The following PCGF5 variants were observed in gnomAD, a reference collection of about 807,000 sequenced individuals.
PCGF5 encodes polycomb group RING finger protein 5.
Under a neutral mutation model 44.3 loss-of-function variants are expected in PCGF5, and 9 were observed. The observed-to-expected ratio is 0.20, with a 90% CI of 0.12 to 0.35. The LOEUF (loss-of-function observed/expected upper bound fraction) is 0.35, where lower values mean the gene tolerates loss of function less well. Among genes scored for constraint, PCGF5 ranks in the 10% least tolerant of loss-of-function variants. The pLI is 1.00. For missense variants in PCGF5, 146 were observed against 305.3 expected (o/e 0.48, Z 3.89); for synonymous variants, 95 against 102.5 (o/e 0.93, Z 0.44).
rs1038669722 is a variant in PCGF5, at chr10:91,206,227, C to T, written c.-183-16462C>T. On this transcript the variant is annotated intron_variant, in intron 1 of 9. Coordinates refer to the PCGF5 transcript ENST00000614189. ...TAGCTCCTGCCGTCAAGGAGCTGAA[C>T]AGCAGAACTCGGAGAAAAAGCAGGT... Among the ~76,000 whole-genome samples the T allele has an allele frequency of 8.0e-4, 121 of 152,028 alleles. 1 individual carries two copies. The highest frequency in any genetic ancestry group is 2.7e-3 in the African/African-American group (112 of 41,384).
chr10:91,192,480 C>T (rs962522515), intron 1 of PCGF5, among the ~76,000 whole-genome samples: 2 of 152,128 alleles, frequency 1.3e-5, no homozygotes, highest in African/African-American at 2.4e-5. Context: ...TCTTGCTCAT[C>T]GTCAATTAAG....
chr10:91,197,994 A>G (rs1035302113), intron 1 of PCGF5, among the ~76,000 whole-genome samples: 1 of 152,194 alleles, frequency 6.6e-6, no homozygotes, highest in African/African-American at 2.4e-5. Context: ...AAGTGAATCC[A>G]CATCAGTGAA....
At chr10:91,251,571 C>A (rs1845624518) in intron 6 of PCGF5, 131 bp downstream of exon 6, 3 of 878,498 alleles carry the variant, frequency 3.4e-6, no homozygotes, top group African/African-American at 3.4e-5. Context: ...AATAAAATGC[C>A]ATTCTTTGAC....
intron 6 of PCGF5, among the ~76,000 whole-genome samples, chr10:91,260,068 T>C (rs1845858950): frequency 7.4e-6 from 1 of 135,946 alleles, no homozygotes; most frequent in Non-Finnish European, 1.5e-5. Context: ...CCTACTCATC[T>C]GACAAAGGGC....
At chr10:91,251,168 C>A in intron 5 of PCGF5, 124 bp from the exon 6 acceptor site, 2 of 527,260 alleles carry the variant, frequency 3.8e-6, no homozygotes, top group Non-Finnish European at 6.1e-6. Flanking sequence ...ATACTAAGTT[C>A]TTCTTCAAAA....
In PCGF5 at chr10:91,279,300, A is replaced by G. The variant is rs371532480; in HGVS notation, c.*984A>G. 2.0e-5 allele frequency: 3 copies of G among 152,158 alleles called. No homozygotes were observed. The highest frequency in any genetic ancestry group is 6.5e-5 in the Admixed American group (1 of 15,270). The allele number at this position is 152,158 out of a possible 1,614,324, so 9.4% of individuals were successfully genotyped here. A position where few individuals can be genotyped will look rare whatever the true frequency, so the allele number is the denominator to read the frequency against. ...TAGAGCACATAACATTAGCTATTTT[A>G]TGGATTTCAAAAGTCTCAAAACAGT... On this transcript the variant is annotated 3_prime_UTR_variant, in exon 10 of 10. Coordinates refer to ENST00000336126, the MANE Select transcript of PCGF5 (RefSeq NM_032373.5).
intron 2 of PCGF5, among the ~76,000 whole-genome samples, chr10:91,233,996 G>T (rs1845084326): frequency 6.6e-6 from 1 of 152,204 alleles, no homozygotes; most frequent in African/African-American, 2.4e-5. Context: ...AGTGATAGCA[G>T]AATTAGCACT....
intron 5 of PCGF5, among the ~76,000 whole-genome samples, chr10:91,249,043 G>A (rs1845549105): frequency 6.6e-6 from 1 of 152,062 alleles, no homozygotes; most frequent in Non-Finnish European, 1.5e-5. Flanking sequence ...GTAAGAAATA[G>A]CCACAGCTTG....
chr10:91,264,534 A>G lies in PCGF5; in HGVS notation c.663+14A>G, dbSNP rs1378664584. The G allele has an allele frequency of 1.3e-6, 2 of 1,564,278 alleles. No homozygotes were observed. Among genetic ancestry groups the G allele is most frequent in the African/African-American group, 1.4e-5 (1 of 72,456 alleles). On this transcript the variant is annotated intron_variant, in intron 8 of 9. Coordinates refer to ENST00000336126, the MANE Select transcript of PCGF5 (RefSeq NM_032373.5). Reference sequence around the variant, plus strand: ...AGAGGCGAAAACGTAAATTGCTTTTATATTTACCTATGTGTTTATTTAGTT... The same window carrying G: ...AGAGGCGAAAACGTAAATTGCTTTTGTATTTACCTATGTGTTTATTTAGTT...
chr10:91,181,820 T>C (rs1014676911), intron 1 of PCGF5, among the ~76,000 whole-genome samples: 1 of 152,230 alleles, frequency 6.6e-6, no homozygotes, highest in African/African-American at 2.4e-5. Flanking sequence ...GATACTGGCC[T>C]GAATTCCTTT....
intron 1 of PCGF5, among the ~76,000 whole-genome samples, chr10:91,222,236 A>G (rs908109702): frequency 6.6e-6 from 1 of 152,220 alleles, no homozygotes; most frequent in Non-Finnish European, 1.5e-5. Flanking sequence ...ATATACAAGT[A>G]GAGCAGCCGG....
At chr10:91,267,692 C>T (rs995452142) in intron 8 of PCGF5, among the ~76,000 whole-genome samples, 5 of 152,100 alleles carry the variant, frequency 3.3e-5, no homozygotes, top group South Asian at 2.1e-4. Context: ...GTGACATGGA[C>T]GAATGCAGCA....
At chr10:91,216,768 G>T (rs1438237169), upstream of PCGF5, among the ~76,000 whole-genome samples, 1 of 152,108 alleles carries the variant, frequency 6.6e-6, no homozygotes, top group Admixed American at 6.5e-5. Context: ...ATGGTCAAGG[G>T]TGATTGGAAG....
chr10:91,275,077 CTATT>C (rs1412007173), intron 9 of PCGF5, among the ~76,000 whole-genome samples: 1 of 151,960 alleles, frequency 6.6e-6, no homozygotes, highest in African/African-American at 2.4e-5. Context: ...ATTGAATTGA[CTATT>C]AATATTAAAA....
chr10:91,173,578 C>CTTT (rs59254639), intron 1 of PCGF5, among the ~76,000 whole-genome samples: 1 of 115,628 alleles, frequency 8.6e-6, no homozygotes, highest in Non-Finnish European at 1.7e-5. Context: ...AGGGAGTTGG[C>CTTT]TTTTTTTTTT....
intron 2 of PCGF5, among the ~76,000 whole-genome samples, chr10:91,230,141 C>G (rs988499189): frequency 5.3e-5 from 8 of 152,046 alleles, no homozygotes; most frequent in African/African-American, 1.2e-4. Flanking sequence ...ATAGTGGACA[C>G]TAAAGCACAC....
At chr10:91,245,977 C>T (rs1845452215) in intron 3 of PCGF5, among the ~76,000 whole-genome samples, 2 of 152,022 alleles carry the variant, frequency 1.3e-5, no homozygotes, top group African/African-American at 4.8e-5. Context: ...GTGTTTTTAT[C>T]CAGCCATGGG....
Position 91,279,406 on chromosome 10 carries a change from T to C in PCGF5, c.*1090T>C, listed in dbSNP as rs1846394623. 1 of 152,182 alleles carries C rather than the reference T, an allele frequency of 6.6e-6. No individual in the cohort carries two copies. The highest frequency in any genetic ancestry group is 1.5e-5 in the Non-Finnish European group (1 of 68,006). The allele number at this position is 152,182 out of a possible 1,614,324, so 9.4% of individuals were successfully genotyped here. A position where few individuals can be genotyped will look rare whatever the true frequency, so the allele number is the denominator to read the frequency against. On this transcript the variant is annotated 3_prime_UTR_variant, in exon 10 of 10. Coordinates refer to ENST00000336126, the MANE Select transcript of PCGF5 (RefSeq NM_032373.5). Reference sequence around the variant, plus strand: ...GAATAAATGCAGTATAGAACTATGCTAACCAAAATTAATAGGTTAAGGGTA... The same window carrying C: ...GAATAAATGCAGTATAGAACTATGCCAACCAAAATTAATAGGTTAAGGGTA...
chr10:91,203,755 G>T (rs1844294959), intron 1 of PCGF5, among the ~76,000 whole-genome samples: 1 of 151,692 alleles, frequency 6.6e-6, no homozygotes, highest in Admixed American at 6.6e-5. Flanking sequence ...CATTTCCATT[G>T]TAAATTTGAA....
Sources: gnomAD v4.1 joint callset for allele counts (sites outside exome capture counted in the v4.1 genomes callset) on GRCh38, gnomAD v4.1.1 for gene constraint, MANE v1.5 for transcripts, NCBI Gene and HGNC (gene_info 2026-07-23, HGNC 2026-07-21) for gene names.